Variants in ZBBX observed in about 807,000 individuals in gnomAD.
ZBBX encodes zinc finger B-box domain containing.
In ZBBX, 101 loss-of-function variants were observed where a neutral mutation model predicts 108.5. That is an observed-to-expected ratio of 0.93 (90% CI 0.79 to 1.10). ZBBX has a LOEUF of 1.10. Ranked by LOEUF, ZBBX falls within the 50% of genes least tolerant of loss-of-function variation. The pLI is 0.00. For missense variants in ZBBX, 1,009 were observed against 941.4 expected (o/e 1.07, Z -0.94); for synonymous variants, 356 against 323.4 (o/e 1.10, Z -1.08).
At chr3:167,341,679 T>C (rs1166184244) in intron 9 of ZBBX, among the ~76,000 whole-genome samples, 1 of 151,990 alleles carries the variant, frequency 6.6e-6, no homozygotes, top group African/African-American at 2.4e-5. Context: ...TTATGCACTA[T>C]ATTAATTATC....
chr3:167,229,276 T>C, the ZBBX span, among the ~76,000 whole-genome samples: 1 of 151,834 alleles, frequency 6.6e-6, no homozygotes, highest in African/African-American at 2.4e-5. Flanking sequence ...AAAATTTAAC[T>C]CATTCTTAAG....
chr3:167,338,253 T>A (rs1304274248), intron 9 of ZBBX, among the ~76,000 whole-genome samples: 1 of 152,184 alleles, frequency 6.6e-6, no homozygotes, highest in Non-Finnish European at 1.5e-5. Context: ...AATGATATTA[T>A]CTTTCAAATT....
chr3:167,350,548 C>T (rs1742455283), intron 8 of ZBBX, 33 bp from the exon 9 acceptor site: 2 of 1,418,122 alleles, frequency 1.4e-6, no homozygotes, highest in Non-Finnish European at 1.9e-6. Flanking sequence ...ATTATACAAT[C>T]TTATAAAATA....
intron 20 of ZBBX, among the ~76,000 whole-genome samples, 164 bp from the exon 21 acceptor site, chr3:167,242,807 G>A (rs972967082): frequency 6.6e-6 from 1 of 152,094 alleles, no homozygotes; most frequent in African/African-American, 2.4e-5. Context: ...AGGTAAGTTT[G>A]ATTTGAGATT....
chr3:167,306,921 C>A (rs1349438906), intron 16 of ZBBX, among the ~76,000 whole-genome samples: 3 of 152,110 alleles, frequency 2.0e-5, no homozygotes. Flanking sequence ...AAATGCTTTA[C>A]AGCTTTACAA....
chr3:167,276,150 G>T (rs1490298819), intron 20 of ZBBX, among the ~76,000 whole-genome samples: 2 of 152,058 alleles, frequency 1.3e-5, no homozygotes, highest in Non-Finnish European at 2.9e-5. Flanking sequence ...ATCAAACAGA[G>T]CAGAAAAATT....
chr3:167,348,361 AAAGAAAG>A (rs1553832973), intron 9 of ZBBX, among the ~76,000 whole-genome samples: 27 of 140,798 alleles, frequency 1.9e-4, no homozygotes, highest in African/African-American at 5.8e-4. Context: ...AGAAAGAAAG[AAAGAAAG>A]AAAAAAAAGA....
intron 18 of ZBBX, among the ~76,000 whole-genome samples, chr3:167,293,370 G>C (rs1731057245): frequency 6.6e-6 from 1 of 152,098 alleles, no homozygotes; most frequent in African/African-American, 2.4e-5. Flanking sequence ...CTTCATCCCT[G>C]GATGCAAGGC....
chr3:167,316,989 G>A lies in ZBBX; in HGVS notation c.1194+16C>T, dbSNP rs1326856342. On this transcript the variant is annotated intron_variant, in intron 14 of 21. Transcript: ENST00000675490. ...GTTAAAAATCATGAATGGTCATTAT[G>A]CACTTATGCACTTACATCATCCAGT... The A allele has an allele frequency of 2.8e-6, 4 of 1,447,746 alleles. No homozygotes were observed. The highest frequency in any genetic ancestry group is 3.8e-6 in the Non-Finnish European group (4 of 1,043,270). 89.7% of individuals were successfully genotyped at this position (1,447,746 alleles called of 1,614,324 possible).
the ZBBX span, among the ~76,000 whole-genome samples, chr3:167,210,129 G>T: frequency 6.7e-6 from 1 of 150,070 alleles, no homozygotes; most frequent in Non-Finnish European, 1.5e-5. Context: ...TAGCTGTTTT[G>T]AGAAAACGTA....
intron 2 of ZBBX, among the ~76,000 whole-genome samples, chr3:167,374,566 G>A (rs967309116): frequency 6.6e-6 from 1 of 152,130 alleles, no homozygotes; most frequent in African/African-American, 2.4e-5. Context: ...GTGTTCCTAT[G>A]TGTGTGCTCA....
intron 20 of ZBBX, among the ~76,000 whole-genome samples, chr3:167,246,628 G>T (rs1721612758): frequency 6.6e-6 from 1 of 152,196 alleles, no homozygotes; most frequent in Non-Finnish European, 1.5e-5. Context: ...CCACAAATCA[G>T]ATTGAGTTTG....
At position 167,361,722 on chromosome 3, in the gene ZBBX, A is replaced by G. The variant is rs374959036; in HGVS notation, c.274-999T>C. Among the ~76,000 whole-genome samples the G allele has an allele frequency of 2.8e-4, 43 of 152,314 alleles. No homozygotes were observed. The East Asian group carries it at 5.2e-3, about 18-fold the overall frequency. Reference sequence around the variant, plus strand: ...GAAATCATCAATTTTTCTATGAACCACACTTTTATTTTTAAATTGCTAATG... The same window carrying G: ...GAAATCATCAATTTTTCTATGAACCGCACTTTTATTTTTAAATTGCTAATG... On this transcript the variant is annotated intron_variant, in intron 6 of 21. Coordinates refer to ENST00000675490, the MANE Select transcript of ZBBX (RefSeq NM_001199201.2).
chr3:167,242,393 TA>T (rs1207232787), intron 21 of ZBBX, 111 bp downstream of exon 21: 2 of 879,652 alleles, frequency 2.3e-6, no homozygotes, highest in Non-Finnish European at 3.3e-6. Flanking sequence ...AATGATCATA[TA>T]AAGTATACAC....
Position 167,248,996 on chromosome 3 carries a change from T to G in ZBBX, c.2255-6353A>C, listed in dbSNP as rs146779641. On this transcript the variant is annotated intron_variant, in intron 20 of 21. Transcript: ENST00000675490. Reference sequence around the variant, plus strand: ...GTCTTTGTTGAAAGAAGAAAGGGAATGAGGGACACCTCTATTCACTGTCTT... The same window carrying G: ...GTCTTTGTTGAAAGAAGAAAGGGAAGGAGGGACACCTCTATTCACTGTCTT... Among the ~76,000 whole-genome samples the G allele has an allele frequency of 1.6e-4, 24 of 152,326 alleles. 1 individual carries two copies. In the East Asian group the frequency reaches 3.5e-3, roughly 22 times the overall value.
intron 20 of ZBBX, among the ~76,000 whole-genome samples, chr3:167,256,379 G>A (rs564756850): frequency 1.3e-4 from 20 of 152,136 alleles, no homozygotes; most frequent in African/African-American, 4.8e-4. Flanking sequence ...TTTTGATATA[G>A]ACATGCAATG....
At chr3:167,267,094 G>A (rs754443816) in intron 20 of ZBBX, among the ~76,000 whole-genome samples, 1 of 152,216 alleles carries the variant, frequency 6.6e-6, no homozygotes, top group Non-Finnish European at 1.5e-5. Flanking sequence ...GAAGTTGAAA[G>A]TGTGTGAATG....
chr3:167,372,806 A>G (rs776224898), intron 4 of ZBBX, 28 bp downstream of exon 4: 1 of 1,182,964 alleles, frequency 8.5e-7, no homozygotes. Context: ...AACTATTCCT[A>G]TTAAGAAATA....
intron 9 of ZBBX, among the ~76,000 whole-genome samples, chr3:167,348,373 A>AAG (rs1553833149): frequency 3.6e-5 from 5 of 139,652 alleles, no homozygotes; most frequent in South Asian, 4.6e-4. Flanking sequence ...AGAAAGAAAA[A>AAG]AAAGAAAAGA....
Sources: gnomAD v4.1 joint callset for allele counts (sites outside exome capture counted in the v4.1 genomes callset) on GRCh38, gnomAD v4.1.1 for gene constraint, MANE v1.5 for transcripts, NCBI Gene and HGNC (gene_info 2026-07-23, HGNC 2026-07-21) for gene names.